Variants in ALG2 observed in about 807,000 individuals in gnomAD.
ALG2 encodes the protein alpha-1,3/1,6-mannosyltransferase ALG2.
A neutral mutation model predicts 30.5 loss-of-function variants in ALG2; 32 were observed. That is an observed-to-expected ratio of 1.05 (90% CI 0.79 to 1.41). ALG2 has a LOEUF of 1.41. Ranked by LOEUF, ALG2 falls within the 40% of genes most tolerant of loss-of-function variation. The pLI is 0.00. For synonymous variants in ALG2, 253 were observed against 224.8 expected, an observed-to-expected ratio of 1.13 and a Z score of -1.12; for missense variants, 574 against 526.4, an observed-to-expected ratio of 1.09 and a Z score of -0.88.
Position 99,218,566 on chromosome 9 carries a change from T to C in ALG2, c.619A>G (p.Ser207Gly), listed in dbSNP as rs745514949. ...TTTTCAGGAACAACTGAGTCAAAGC[T>C]GGTGACATTTAGAGATGGATAGAGG... ...DVLYPSLNVT[S>G]FDSVVPEKLD... is the part of the protein sequence containing the mutation. The change falls in exon 2 of 2, where the codon AGC (serine) becomes GGC (glycine). Residue 207 changes from serine (S) to glycine (G), a missense_variant. By Grantham distance (56) the Ser-to-Gly change is moderately conservative. Coordinates refer to ENST00000476832, the MANE Select transcript of ALG2 (RefSeq NM_033087.4). The C allele has an allele frequency of 2.3e-5, 37 of 1,614,112 alleles. No homozygotes were observed. Among genetic ancestry groups the C allele is most frequent in the Non-Finnish European group, 3.1e-5 (37 of 1,180,048 alleles).
Position 99,217,298 on chromosome 9 carries a change from G to T in ALG2, c.*636C>A, listed in dbSNP as rs1828710779. 2 of 454,024 alleles carry T rather than the reference G, an allele frequency of 4.4e-6. No individual in the cohort carries two copies. Among genetic ancestry groups the T allele is most frequent in the Non-Finnish European group, 8.8e-6 (2 of 226,780 alleles). The allele number at this position is 454,024 out of a possible 1,614,324, so 28.1% of individuals were successfully genotyped here. Reference sequence around the variant, plus strand: ...CCCTAGTGTTCTGATTTCCAGTTTGGTTGTCATATCCATGTTCGTAACAAT... The same window carrying T: ...CCCTAGTGTTCTGATTTCCAGTTTGTTTGTCATATCCATGTTCGTAACAAT... On this transcript the variant is annotated 3_prime_UTR_variant, in exon 2 of 2. Transcript: ENST00000476832.
Position 99,216,546 on chromosome 9 carries a change from T to C in ALG2, c.*1388A>G. On this transcript the variant is annotated 3_prime_UTR_variant, in exon 2 of 2. Transcript: ENST00000476832. ...AATACTCCTGTGATACAGATGCACA[T>C]GATAAACTGTAAAATGGAATTTCAC... is the stretch of plus-strand genomic sequence containing the variant. 2.2e-6 allele frequency: 1 copy of C among 454,084 alleles called. No homozygotes were observed. Among genetic ancestry groups the C allele is most frequent in the Non-Finnish European group, 4.4e-6 (1 of 226,794 alleles). 28.1% of individuals were successfully genotyped at this position (454,084 alleles called of 1,614,324 possible). A position where few individuals can be genotyped will look rare whatever the true frequency, so the allele number is the denominator to read the frequency against.
rs1211867801 is a variant in ALG2 at position 99,221,901 on chromosome 9, G to A, written c.-7C>T. 6.3e-7 allele frequency: 1 copy of A among 1,582,348 alleles called. No homozygotes were observed. Among genetic ancestry groups the A allele is most frequent in the East Asian group, 2.3e-5 (1 of 44,308 alleles). On this transcript the variant is annotated 5_prime_UTR_variant, in exon 1 of 2. Coordinates refer to ENST00000476832, the MANE Select transcript of ALG2 (RefSeq NM_033087.4). ...GGCCCTGCTCCTCCGCCATGGCCCT[G>A]GAGCCGCAACTGCACCCCGCACCCT... is the stretch of plus-strand genomic sequence containing the variant.
In ALG2 at chr9:99,218,713, G is replaced by A. The variant is rs140382423; in HGVS notation, c.472C>T (p.Pro158Ser). ...GTGTATTCCTCTATCCAGTCAATTGGGGCCCTGTATAGTCGTTTAAGAAAA... is the reference window on the plus strand; with the variant it reads ...GTGTATTCCTCTATCCAGTCAATTGAGGCCCTGTATAGTCGTTTAAGAAAA... ...DSFLKRLYRAPIDWIEEYTTG... is the reference protein window; with the variant it reads ...DSFLKRLYRASIDWIEEYTTG... Residue 158 changes from proline to serine, a missense_variant, in exon 2 of 2, where the codon CCA becomes TCA. Coordinates refer to ENST00000476832, the MANE Select transcript of ALG2 (RefSeq NM_033087.4). 6.2e-7 allele frequency: 1 copy of A among 1,614,126 alleles called. No individual in the cohort carries two copies. The highest frequency in any genetic ancestry group is 8.5e-7 in the Non-Finnish European group (1 of 1,180,024).
In ALG2 at chr9:99,218,766, G is replaced by C. The variant is rs1007260175; in HGVS notation, c.419C>G (p.Pro140Arg). The C allele has an allele frequency of 1.2e-6, 2 of 1,613,576 alleles. No homozygotes were observed. Among genetic ancestry groups the C allele is most frequent in the South Asian group, 2.2e-5 (2 of 91,084 alleles). Residue 140 changes from proline (P) to arginine (R), a missense_variant, in exon 2 of 2, where the codon CCA becomes CGA. Physicochemically the swap from Pro to Arg is moderately radical, Grantham distance 103 (BLOSUM62 -2). Transcript: ENST00000476832. ...ATCTCTCTTGGTGAGAAGCAGATCTGGGAAGTGACAGTAAAATAGGATCTT... is the reference window on the plus strand; with the variant it reads ...ATCTCTCTTGGTGAGAAGCAGATCTCGGAAGTGACAGTAAAATAGGATCTT... ...RKKILFYCHF[P>R]DLLLTKRDSF...
At chr9:99,218,914 C>T (rs1224966511) in intron 1 of ALG2, 78 bp from the exon 2 acceptor site, 15 of 1,526,446 alleles carry the variant, frequency 9.8e-6, no homozygotes, top group South Asian at 2.3e-5. Context: ...ACACCCACCC[C>T]GTCTGGCTAG....
intron 1 of ALG2, among the ~76,000 whole-genome samples, chr9:99,220,734 T>C (rs775007555): frequency 8.5e-5 from 13 of 152,152 alleles, no homozygotes; most frequent in Non-Finnish European, 1.8e-4. Context: ...AAGATATAGA[T>C]ATACCTATGA....
chr9:99,220,929 G>A (rs748502986), intron 1 of ALG2: 7 of 1,326,126 alleles, frequency 5.3e-6, no homozygotes, highest in Non-Finnish European at 6.9e-6. Flanking sequence ...AATGCACGAA[G>A]GAAAGAGTCA....
intron 1 of ALG2, among the ~76,000 whole-genome samples, chr9:99,219,181 T>C (rs1828751839): frequency 1.3e-5 from 2 of 152,234 alleles, no homozygotes; most frequent in Non-Finnish European, 1.5e-5. Flanking sequence ...ATGTAACCAA[T>C]ACTAAACAGT....
chr9:99,219,829 C>G (rs773982321), intron 1 of ALG2, among the ~76,000 whole-genome samples: 4 of 152,190 alleles, frequency 2.6e-5, no homozygotes, highest in Non-Finnish European at 5.9e-5. Context: ...ATAATTTTTC[C>G]TCTACCCACT....
intron 1 of ALG2, chr9:99,220,834 C>T (rs1351789251): frequency 1.2e-6 from 1 of 825,248 alleles, no homozygotes; most frequent in African/African-American, 1.8e-5. Flanking sequence ...TAGGACGGGG[C>T]TTTTAGGTTA....
At position 99,221,015 on chromosome 9, in the gene ALG2, T is replaced by C. The variant is rs781514049; in HGVS notation, c.348+532A>G. 1.0e-5 allele frequency: 14 copies of C among 1,352,732 alleles called. No individual in the cohort carries two copies. In the East Asian group the frequency reaches 5.9e-4, roughly 57 times the overall value. 83.8% of individuals were successfully genotyped at this position (1,352,732 alleles called of 1,614,324 possible). On this transcript the variant is annotated intron_variant, in intron 1 of 1. Coordinates refer to ENST00000476832, the MANE Select transcript of ALG2 (RefSeq NM_033087.4). ...GCTTGAACTTTTCTCCAAAAACCAA[T>C]GGGGAGCCATGTACAAGTTTTAATA... is the stretch of plus-strand genomic sequence containing the variant.
rs775776287 is a variant in ALG2, at chr9:99,221,862, C to T, written c.33G>A (p.Ser11=). 2.1e-5 allele frequency: 33 copies of T among 1,592,148 alleles called. No individual in the cohort carries two copies. Among genetic ancestry groups the T allele is most frequent in the Non-Finnish European group, 2.6e-5 (31 of 1,176,554 alleles). Reference sequence around the variant, plus strand: ...GGAACAGCACCGACGGCTTGGGAACCGAGTCCCGTTCCCGGCCCTGCTCCT... The same window carrying T: ...GGAACAGCACCGACGGCTTGGGAACTGAGTCCCGTTCCCGGCCCTGCTCCT... The part of the protein sequence containing the change: MAEEQGRERD[S]VPKPSVLFLH... Residue 11 remains serine, a synonymous_variant, in exon 1 of 2, where the codon TCG becomes TCA. Transcript: ENST00000476832.
chr9:99,218,708 A>C lies in ALG2; in HGVS notation c.477T>G (p.Ile159Met). 1 of 1,614,146 alleles carries C rather than the reference A, an allele frequency of 6.2e-7. No homozygotes were observed. Among genetic ancestry groups the C allele is most frequent in the Middle Eastern group, 1.6e-4 (1 of 6,062 alleles). ...CTGTGGTGTATTCCTCTATCCAGTC[A>C]ATTGGGGCCCTGTATAGTCGTTTAA... is the stretch of plus-strand genomic sequence containing the variant. ...SFLKRLYRAP[I>M]DWIEEYTTGM... The change falls in exon 2 of 2, where the codon ATT (isoleucine) becomes ATG (methionine). Residue 159 changes from isoleucine to methionine, a missense_variant. Transcript: ENST00000476832.
Position 99,221,778 on chromosome 9 carries a change from CGCCAGCGCCGCG to C in ALG2, c.105_116del (p.Asp35_Ala39delinsGlu), listed in dbSNP as rs1564222811. The stretch of plus-strand genomic sequence containing the variant: ...TCACGCTACACCCGCGCGCCTGCAG[CGCCAGCGCCGCG>C]TCCAACACCAGCCGCTCAGCGCCGC... On this transcript the variant is annotated inframe_deletion, in exon 1 of 2. Coordinates refer to ENST00000476832, the MANE Select transcript of ALG2 (RefSeq NM_033087.4). 15 of 1,598,304 alleles carry C rather than the reference CGCCAGCGCCGCG, an allele frequency of 9.4e-6. No individual in the cohort carries two copies. The highest frequency in any genetic ancestry group is 1.2e-5 in the Non-Finnish European group (14 of 1,179,494).
rs1828728819 is a variant in ALG2, at chr9:99,218,226, T to C, written c.959A>G (p.Tyr320Cys). The change falls in exon 2 of 2, where the codon TAC (tyrosine) becomes TGC (cysteine). Residue 320 changes from tyrosine (Y) to cysteine (C), a missense_variant. Coordinates refer to ENST00000476832, the MANE Select transcript of ALG2 (RefSeq NM_033087.4). ...SLLHSCTCVL[Y>C]TPSNEHFGIV... The stretch of plus-strand genomic sequence containing the variant: ...GCCAAAGTGCTCATTGCTTGGTGTG[T>C]AAAGCACACACGTGCAGCTGTGGAG... 6.2e-7 allele frequency: 1 copy of C among 1,614,230 alleles called. No individual in the cohort carries two copies. Among genetic ancestry groups the C allele is most frequent in the Non-Finnish European group, 8.5e-7 (1 of 1,180,040 alleles).
At position 99,220,942 on chromosome 9, in the gene ALG2, A is replaced by G. The variant is rs753695003; in HGVS notation, c.348+605T>C. 7.9e-4 allele frequency: 1,058 copies of G among 1,344,940 alleles called. 2 individuals are homozygous for G. Among genetic ancestry groups the G allele is most frequent in the Non-Finnish European group, 9.6e-4 (976 of 1,018,092 alleles). The allele number at this position is 1,344,940 out of a possible 1,614,324, so 83.3% of individuals were successfully genotyped here. On this transcript the variant is annotated intron_variant, in intron 1 of 1. Transcript: ENST00000476832. ...AAAATGCACGAAGGAAAGAGTCAAG[A>G]ATAGCTACAGGGCAGATCCAGGTGG...
chr9:99,220,429 T>G (rs572595304), intron 1 of ALG2, among the ~76,000 whole-genome samples: 1 of 152,268 alleles, frequency 6.6e-6, no homozygotes, highest in Non-Finnish European at 1.5e-5. Context: ...TCCCAGCACT[T>G]TGGGAGGCCG....
rs375742255 is a variant in ALG2 at position 99,221,933 on chromosome 9, G to C, written c.-39C>G. 189 of 1,539,550 alleles carry C rather than the reference G, an allele frequency of 1.2e-4. No individual in the cohort carries two copies. The African/African-American group carries it at 2.5e-3, about 20-fold the overall frequency. ...CAACTGCACCCCGCACCCTGATGGG[G>C]GTCTTCTGCGCAAGCTCCGCGCTCG... On this transcript the variant is annotated 5_prime_UTR_variant, in exon 1 of 2. Coordinates refer to ENST00000476832, the MANE Select transcript of ALG2 (RefSeq NM_033087.4).
Sources: allele counts gnomAD v4.1 joint callset (sites outside exome capture counted in the v4.1 genomes callset), GRCh38; gene constraint gnomAD v4.1.1; transcripts MANE v1.5; gene names NCBI Gene and HGNC (gene_info 2026-07-23, HGNC 2026-07-21).